Variants in MAS1 observed in about 807,000 individuals in gnomAD.
MAS1 encodes the protein MAS1 proto-oncogene, G protein-coupled receptor.
For missense variants in MAS1, 387 were observed against 409.7 expected, an observed-to-expected ratio of 0.94 and a Z score of 0.48; for synonymous variants, 163 against 164.2, an observed-to-expected ratio of 0.99 and a Z score of 0.05.
Position 159,916,640 on chromosome 6 carries a change from A to G in MAS1, c.*8707A>G, listed in dbSNP as rs1783029833. On this transcript the variant is annotated 3_prime_UTR_variant, in exon 3 of 3. Transcript: ENST00000674077. Reference sequence around the variant, plus strand: ...AAGGATGAAGACAAACCTCCTCTTCATCTTCACTCCAGTGAGTGGAGCACT... The same window carrying G: ...AAGGATGAAGACAAACCTCCTCTTCGTCTTCACTCCAGTGAGTGGAGCACT... 1 of 152,230 alleles carries G rather than the reference A, an allele frequency of 6.6e-6. No individual in the cohort carries two copies. 9.4% of individuals were successfully genotyped at this position (152,230 alleles called of 1,614,324 possible).
upstream of MAS1, among the ~76,000 whole-genome samples, chr6:159,889,117 C>T (rs1583208480): frequency 1.3e-5 from 2 of 152,176 alleles, no homozygotes; most frequent in African/African-American, 4.8e-5. Flanking sequence ...CCTTTGGAGA[C>T]TCTCTCCCTA....
At position 159,907,717 on chromosome 6, in the gene MAS1, T is replaced by C. The variant is rs781363330; in HGVS notation, c.762T>C (p.Tyr254=). Reference sequence around the variant, plus strand: ...TCCTTTACCTGCTGTACTATGAGTATTGGTCGACCTTTGGGAACCTACACC... The same window carrying C: ...TCCTTTACCTGCTGTACTATGAGTACTGGTCGACCTTTGGGAACCTACACC... The part of the protein sequence containing the change: ...MRLLYLLYYE[Y]WSTFGNLHHI... Residue 254 remains tyrosine, a synonymous_variant, in exon 3 of 3, where the codon TAT becomes TAC. Transcript: ENST00000674077. 3 of 1,613,434 alleles carry C rather than the reference T, an allele frequency of 1.9e-6. No individual in the cohort carries two copies. The highest frequency in any genetic ancestry group is 2.7e-5 in the African/African-American group (2 of 74,782).
rs1782970357 is a variant in MAS1 at position 159,911,964 on chromosome 6, A to T, written c.*4031A>T. The T allele has an allele frequency of 6.6e-6, 1 of 152,544 alleles. No homozygotes were observed. The allele number at this position is 152,544 out of a possible 1,614,324, so 9.4% of individuals were successfully genotyped here. ...GCCTGCCCGATGGCATTTCGCCAGCAATTCTCCCTCTCTGTCCTGCACCAT... is the reference window on the plus strand; with the variant it reads ...GCCTGCCCGATGGCATTTCGCCAGCTATTCTCCCTCTCTGTCCTGCACCAT... On this transcript the variant is annotated 3_prime_UTR_variant, in exon 3 of 3. Transcript: ENST00000674077.
intron 2 of MAS1, among the ~76,000 whole-genome samples, chr6:159,904,273 C>T (rs570935690): frequency 3.3e-5 from 5 of 152,262 alleles, no homozygotes; most frequent in East Asian, 1.9e-4. Context: ...TCTTGCCTCA[C>T]GGCCTCAAAT....
Position 159,905,565 on chromosome 6 carries a change from G to A in MAS1, c.-36-1355G>A, listed in dbSNP as rs115510555. Reference sequence around the variant, plus strand: ...CCCAAAGGCTACCTGCTGGTCCAGGGTCCAGGCCCGGCTGTACTGAGATCA... The same window carrying A: ...CCCAAAGGCTACCTGCTGGTCCAGGATCCAGGCCCGGCTGTACTGAGATCA... On this transcript the variant is annotated intron_variant, in intron 2 of 2. Transcript: ENST00000674077. 1.4e-3 allele frequency among the ~76,000 whole-genome samples: 219 copies of A among 152,236 alleles called. 3 individuals carry two copies. The highest frequency in any genetic ancestry group is 5.1e-3 in the African/African-American group (212 of 41,514).
chr6:159,894,695 G>C (rs75400131), intron 1 of MAS1, among the ~76,000 whole-genome samples: 1 of 152,142 alleles, frequency 6.6e-6, no homozygotes, highest in African/African-American at 2.4e-5. Context: ...AGAGCGCTGC[G>C]CTGTTGAATG....
intron 1 of MAS1, among the ~76,000 whole-genome samples, chr6:159,897,003 A>G (rs1190147713): frequency 1.3e-5 from 2 of 152,004 alleles, no homozygotes; most frequent in Non-Finnish European, 2.9e-5. Context: ...CCTCCCAAGC[A>G]GCTGGGACTA....
intron 1 of MAS1, among the ~76,000 whole-genome samples, chr6:159,896,929 A>G (rs943016821): frequency 4.6e-5 from 7 of 152,038 alleles, no homozygotes; most frequent in Non-Finnish European, 1.0e-4. Context: ...GCTGGAGTGC[A>G]GTGGCTCGTT....
chr6:159,891,901 G>T (rs1782702788), intron 1 of MAS1, among the ~76,000 whole-genome samples: 1 of 152,120 alleles, frequency 6.6e-6, no homozygotes, highest in Non-Finnish European at 1.5e-5. Context: ...TGGCATTTTG[G>T]GCTGGGTAAT....
chr6:159,909,188 T>C lies in MAS1; in HGVS notation c.*1255T>C, dbSNP rs933099977. On this transcript the variant is annotated 3_prime_UTR_variant, in exon 3 of 3. Coordinates refer to ENST00000674077, the MANE Select transcript of MAS1 (RefSeq NM_002377.4). ...CACTGCACGTCCTGGGTTTTAGCTGTGAAGCCCGTCGCATAGCTATGTTTA... is the reference window on the plus strand; with the variant it reads ...CACTGCACGTCCTGGGTTTTAGCTGCGAAGCCCGTCGCATAGCTATGTTTA... The C allele has an allele frequency of 6.6e-6, 1 of 152,156 alleles. No individual in the cohort carries two copies. Among genetic ancestry groups the C allele is most frequent in the African/African-American group, 2.4e-5 (1 of 41,432 alleles). 9.4% of individuals were successfully genotyped at this position (152,156 alleles called of 1,614,324 possible).
At chr6:159,902,985 C>A (rs1218034863) in intron 2 of MAS1, among the ~76,000 whole-genome samples, 2 of 152,084 alleles carry the variant, frequency 1.3e-5, no homozygotes, top group African/African-American at 4.8e-5. Context: ...ATCCTCCACT[C>A]TCCCTCAGCC....
intron 1 of MAS1, among the ~76,000 whole-genome samples, chr6:159,894,560 C>T (rs1192048299): frequency 1.3e-5 from 2 of 152,084 alleles, no homozygotes; most frequent in East Asian, 1.9e-4. Context: ...ATATGCTAGG[C>T]TCTGGCATCA....
At chr6:159,896,811 G>A (rs1252335813) in intron 1 of MAS1, among the ~76,000 whole-genome samples, 1 of 152,122 alleles carries the variant, frequency 6.6e-6, no homozygotes, top group Non-Finnish European at 1.5e-5. Context: ...AGAGACCAGA[G>A]TTTTACCACT....
rs1001425649 is a variant in MAS1, at chr6:159,915,462, G to A, written c.*7529G>A. ...TTGAGGTCTTCAGCATCTTTGCAAGGTGCCCTGGTTGAGGTTATTGTTCCG... is the reference window on the plus strand; with the variant it reads ...TTGAGGTCTTCAGCATCTTTGCAAGATGCCCTGGTTGAGGTTATTGTTCCG... On this transcript the variant is annotated 3_prime_UTR_variant, in exon 3 of 3. Transcript: ENST00000674077. The A allele has an allele frequency of 2.6e-5, 4 of 152,236 alleles. No individual in the cohort carries two copies. The highest frequency in any genetic ancestry group is 9.7e-5 in the African/African-American group (4 of 41,440). The allele number at this position is 152,236 out of a possible 1,614,324, so 9.4% of individuals were successfully genotyped here.
Position 159,908,851 on chromosome 6 carries a change from T to G in MAS1, c.*918T>G, listed in dbSNP as rs1052806195. The G allele has an allele frequency of 6.6e-6, 1 of 151,996 alleles. No individual in the cohort carries two copies. Among genetic ancestry groups the G allele is most frequent in the African/African-American group, 2.4e-5 (1 of 41,382 alleles). The allele number at this position is 151,996 out of a possible 1,614,324, so 9.4% of individuals were successfully genotyped here. A position where few individuals can be genotyped will look rare whatever the true frequency, so the allele number is the denominator to read the frequency against. On this transcript the variant is annotated 3_prime_UTR_variant, in exon 3 of 3. Coordinates refer to ENST00000674077, the MANE Select transcript of MAS1 (RefSeq NM_002377.4). ...AAACATTTTTACGAATGGAGTTGAATTTATGACTTCCTGGGGGTGACTGGG... is the reference window on the plus strand; with the variant it reads ...AAACATTTTTACGAATGGAGTTGAAGTTATGACTTCCTGGGGGTGACTGGG...
chr6:159,890,761 A>T (rs1191533477), upstream of MAS1, among the ~76,000 whole-genome samples: 1 of 152,220 alleles, frequency 6.6e-6, no homozygotes, highest in Non-Finnish European at 1.5e-5. Flanking sequence ...TTGCCCTTCC[A>T]TGTGGCATTT....
At position 159,908,051 on chromosome 6, in the gene MAS1, G is replaced by T. The variant is rs775889551; in HGVS notation, c.*118G>T. On this transcript the variant is annotated 3_prime_UTR_variant, in exon 3 of 3. Coordinates refer to ENST00000674077, the MANE Select transcript of MAS1 (RefSeq NM_002377.4). ...TACAGAAGAACATCTCATCCCATATGCATGAGATACTAATTAATGATGAAA... is the reference window on the plus strand; with the variant it reads ...TACAGAAGAACATCTCATCCCATATTCATGAGATACTAATTAATGATGAAA... The T allele has an allele frequency of 9.0e-6, 10 of 1,111,970 alleles. No homozygotes were observed. The highest frequency in any genetic ancestry group is 1.1e-5 in the Non-Finnish European group (9 of 792,780). 68.9% of individuals were successfully genotyped at this position (1,111,970 alleles called of 1,614,324 possible). A position where few individuals can be genotyped will look rare whatever the true frequency, so the allele number is the denominator to read the frequency against.
rs549120687 is a variant in MAS1 at position 159,907,799 on chromosome 6, T to C, written c.844T>C (p.Phe282Leu). The change falls in exon 3 of 3, where the codon TTT becomes CTT. Residue 282 changes from phenylalanine (F) to leucine (L), a missense_variant. By Grantham distance (22) the Phe-to-Leu change is conservative. Coordinates refer to ENST00000674077, the MANE Select transcript of MAS1 (RefSeq NM_002377.4). The part of the protein sequence containing the change: ...NSSANPFIYF[F>L]VGSSKKKRFK... ...TAGCGCCAACCCTTTCATTTACTTC[T>C]TTGTGGGAAGCAGTAAGAAGAAGAG... 19 of 1,613,244 alleles carry C rather than the reference T, an allele frequency of 1.2e-5. No individual in the cohort carries two copies. Among genetic ancestry groups the C allele is most frequent in the Non-Finnish European group, 1.5e-5 (18 of 1,179,940 alleles).
chr6:159,909,261 A>G lies in MAS1; in HGVS notation c.*1328A>G, dbSNP rs1330831038. 6.6e-6 allele frequency: 1 copy of G among 152,172 alleles called. No individual in the cohort carries two copies. Among genetic ancestry groups the G allele is most frequent in the Non-Finnish European group, 1.5e-5 (1 of 68,030 alleles). The allele number at this position is 152,172 out of a possible 1,614,324, so 9.4% of individuals were successfully genotyped here. On this transcript the variant is annotated 3_prime_UTR_variant, in exon 3 of 3. Transcript: ENST00000674077. Reference sequence around the variant, plus strand: ...GTTCCACAAAAGGGCAATATGTCACATGATTCTACAGGTTGTAAAATGTTC... The same window carrying G: ...GTTCCACAAAAGGGCAATATGTCACGTGATTCTACAGGTTGTAAAATGTTC...
Sources: allele counts gnomAD v4.1 joint callset (sites outside exome capture counted in the v4.1 genomes callset), GRCh38; gene constraint gnomAD v4.1.1; transcripts MANE v1.5; gene names NCBI Gene and HGNC (gene_info 2026-07-23, HGNC 2026-07-21).